ABCC12: variants seen among roughly 807,000 people sequenced by gnomAD.
The protein encoded by ABCC12 is ATP-binding cassette sub-family C member 12.
ABCC12 carries 142 observed loss-of-function variants against 151.1 expected under a neutral mutation model. The observed-to-expected ratio is 0.94, with a 90% CI of 0.82 to 1.08. The LOEUF is 1.08. ABCC12 is among the 50% of genes least tolerant of loss of function. The pLI, the probability that ABCC12 is intolerant of heterozygous loss-of-function variation, is 0.00. For missense variants in ABCC12, 1,638 were observed against 1,691.1 expected (o/e 0.97, Z 0.55); for synonymous variants, 645 against 646.4 (o/e 1.00, Z 0.03).
rs139046030 is a variant in ABCC12, at chr16:48,122,380, C to T, written c.1588-540G>A. Among the ~76,000 whole-genome samples, 1,113 of 152,300 alleles carry T rather than the reference C, an allele frequency of 7.3e-3. 14 individuals are homozygous for T. The highest frequency in any genetic ancestry group is 0.026 in the African/African-American group (1,063 of 41,562). On this transcript the variant is annotated intron_variant, in intron 12 of 30. Coordinates refer to ENST00000311303, the MANE Select transcript of ABCC12 (RefSeq NM_001393797.1). ...GATTTTCTAATTTGTCCAGAGGAGT[C>T]AAAGATCCAGTTTTATATGACATCT... is the stretch of plus-strand genomic sequence containing the variant.
chr16:48,105,403 G>T, intron 20 of ABCC12, 67 bp from the exon 21 acceptor site: 1 of 1,467,664 alleles, frequency 6.8e-7, no homozygotes, highest in Non-Finnish European at 9.2e-7. Context: ...GGAATTTTCC[G>T]GAGAATCTTT....
At chr16:48,098,789 G>C (rs1342292772) in intron 23 of ABCC12, among the ~76,000 whole-genome samples, 3 of 152,180 alleles carry the variant, frequency 2.0e-5, no homozygotes, top group African/African-American at 4.8e-5. Flanking sequence ...CCTTTGGAAA[G>C]AAACTATTAA....
At chr16:48,120,486 C>CA (rs1223308118) in intron 13 of ABCC12, among the ~76,000 whole-genome samples, 1 of 151,928 alleles carries the variant, frequency 6.6e-6, no homozygotes, top group Non-Finnish European at 1.5e-5. Flanking sequence ...TTAGAAAACT[C>CA]AAACATTTCA....
chr16:48,140,596 G>A (rs1055726387), intron 6 of ABCC12, 91 bp downstream of exon 6: 6 of 1,236,968 alleles, frequency 4.9e-6, no homozygotes, highest in Admixed American at 1.9e-5. Flanking sequence ...GCAAAAGGAA[G>A]GCAGGTGCTC....
intron 20 of ABCC12, among the ~76,000 whole-genome samples, chr16:48,107,049 G>A (rs1335431744): frequency 6.6e-6 from 1 of 152,204 alleles, no homozygotes; most frequent in Non-Finnish European, 1.5e-5. Flanking sequence ...AATCTTGTAC[G>A]TGCCTGATTC....
At position 48,081,470 on chromosome 16, in the gene ABCC12, T is replaced by C. The variant is rs1439352253; in HGVS notation, c.*2245A>G. 6.6e-6 allele frequency among the ~76,000 whole-genome samples: 1 copy of C among 152,098 alleles called. No individual in the cohort carries two copies. The highest frequency in any genetic ancestry group is 1.5e-5 in the Non-Finnish European group (1 of 67,998). The stretch of plus-strand genomic sequence containing the variant: ...CAAGGGGAAAGGACTGGAGGGGCTT[T>C]GTTGTGAAGGGGTTGGGAGCAGGGC... On this transcript the variant is annotated 3_prime_UTR_variant, in exon 31 of 31. Coordinates refer to ENST00000311303, the MANE Select transcript of ABCC12 (RefSeq NM_001393797.1).
chr16:48,094,746 C>T (rs1272020116), intron 24 of ABCC12, among the ~76,000 whole-genome samples: 1 of 152,186 alleles, frequency 6.6e-6, no homozygotes, highest in Non-Finnish European at 1.5e-5. Context: ...TTAAGTCTTG[C>T]ATTTGGGTAC....
In ABCC12 at chr16:48,082,635, T is replaced by C. The variant is rs1397194871; in HGVS notation, c.*1080A>G. Among the ~76,000 whole-genome samples, 1 of 152,156 alleles carries C rather than the reference T, an allele frequency of 6.6e-6. No homozygotes were observed. The highest frequency in any genetic ancestry group is 6.5e-5 in the Admixed American group (1 of 15,278). ...ACAAGGGAAGTGGGGTGGGGGGTTG[T>C]GGTCTGGAAGCTTTGCTGACCACAC... On this transcript the variant is annotated 3_prime_UTR_variant, in exon 31 of 31. Transcript: ENST00000311303.
intron 2 of ABCC12, among the ~76,000 whole-genome samples, chr16:48,151,200 G>T (rs1182657773): frequency 6.6e-6 from 1 of 152,196 alleles, no homozygotes; most frequent in Non-Finnish European, 1.5e-5. Flanking sequence ...CCCTTAATAT[G>T]ATGGGGCAAA....
chr16:48,135,145 C>T (rs1596626985), intron 8 of ABCC12, among the ~76,000 whole-genome samples: 1 of 152,034 alleles, frequency 6.6e-6, no homozygotes, highest in East Asian at 1.9e-4. Flanking sequence ...CTTCGCTTTC[C>T]TGAAATTTAG....
chr16:48,155,703 G>GT (rs1456578789), intron 1 of ABCC12, 138 bp downstream of exon 1: 2 of 152,092 alleles, frequency 1.3e-5, no homozygotes, highest in Non-Finnish European at 2.9e-5. Context: ...CCATTCAGTG[G>GT]TGTCACCTCC....
chr16:48,139,156 C>A lies in ABCC12; in HGVS notation c.831+7G>T. ...AAGCAGTTAGAAGCGCAAAAGCCTG[C>A]CGTTACCTGGACGGGTATGAATATG... is the stretch of plus-strand genomic sequence containing the variant. On this transcript the variant is annotated splice_region_variant and intron_variant, in intron 7 of 30. Transcript: ENST00000311303. 1 of 1,579,138 alleles carries A rather than the reference C, an allele frequency of 6.3e-7. No individual in the cohort carries two copies. The highest frequency in any genetic ancestry group is 8.6e-7 in the Non-Finnish European group (1 of 1,165,334).
Position 48,081,814 on chromosome 16 carries a change from T to A in ABCC12, c.*1901A>T, listed in dbSNP as rs1348593458. The stretch of plus-strand genomic sequence containing the variant: ...CAGCAGGGATCATTGTAGTCTATCC[T>A]CTGTCCTCATGAAAACACCACCTCT... On this transcript the variant is annotated 3_prime_UTR_variant, in exon 31 of 31. Transcript: ENST00000311303. Among the ~76,000 whole-genome samples the A allele has an allele frequency of 6.6e-6, 1 of 152,158 alleles. No individual in the cohort carries two copies. The highest frequency in any genetic ancestry group is 1.5e-5 in the Non-Finnish European group (1 of 68,012).
At position 48,130,814 on chromosome 16, in the gene ABCC12, C is replaced by T. The variant is rs1286608336; in HGVS notation, c.1210G>A (p.Ala404Thr). 6.2e-7 allele frequency: 1 copy of T among 1,613,258 alleles called. No homozygotes were observed. Residue 404 changes from alanine to threonine, a missense_variant, in exon 10 of 31, where the codon GCG becomes ACG. Physicochemically the swap from Ala to Thr is moderately conservative, Grantham distance 58. Transcript: ENST00000311303. The part of the protein sequence containing the change: ...LPFSIKAMAE[A>T]NVSLRRMKKI... ...TTCATTCTCCTTAGAGAGACATTCG[C>T]TTCAGCCATTGCTTTGATGGAGAAG... is the stretch of plus-strand genomic sequence containing the variant.
intron 10 of ABCC12, among the ~76,000 whole-genome samples, chr16:48,129,677 C>A (rs891464311): frequency 1.3e-5 from 2 of 151,970 alleles, no homozygotes; most frequent in Non-Finnish European, 2.9e-5. Flanking sequence ...GAGTGCTATA[C>A]GGACTTGAGA....
chr16:48,098,890 T>C (rs1489548225), intron 23 of ABCC12, among the ~76,000 whole-genome samples: 2 of 152,166 alleles, frequency 1.3e-5, no homozygotes, highest in African/African-American at 4.8e-5. Context: ...AAAGTTTGCA[T>C]GTGTGTTTGT....
In ABCC12 at chr16:48,088,044, G is replaced by T; in HGVS notation, c.3517C>A (p.Pro1173Thr). The T allele has an allele frequency of 6.2e-7, 1 of 1,614,168 alleles. No homozygotes were observed. Among genetic ancestry groups the T allele is most frequent in the Non-Finnish European group, 8.5e-7 (1 of 1,180,016 alleles). Residue 1173 changes from proline to threonine, a missense_variant, in exon 27 of 31, where the codon CCA (proline) becomes ACA (threonine). Coordinates refer to ENST00000311303, the MANE Select transcript of ABCC12 (RefSeq NM_001393797.1). ...TCAATAAAGATTGTGCCACTGGCTG[G>T]CTCCACCAGACGAAACAAAGCCATT... ...LGMALFRLVEPASGTIFIDEV... is the reference protein window; with the variant it reads ...LGMALFRLVETASGTIFIDEV...
chr16:48,143,722 T>C (rs1251263592), intron 4 of ABCC12, among the ~76,000 whole-genome samples, 188 bp downstream of exon 4: 4 of 152,208 alleles, frequency 2.6e-5, no homozygotes, highest in Non-Finnish European at 2.9e-5. Flanking sequence ...CACACTGTCT[T>C]GCCTGCCACC....
chr16:48,091,035 C>T, intron 25 of ABCC12, 85 bp downstream of exon 25: 3 of 1,323,468 alleles, frequency 2.3e-6, no homozygotes, highest in Non-Finnish European at 3.3e-6. Context: ...TAAAAAGACC[C>T]CTTTCGCATC....
Sources: gnomAD v4.1 joint callset for allele counts (sites outside exome capture counted in the v4.1 genomes callset) on GRCh38, gnomAD v4.1.1 for gene constraint, MANE v1.5 for transcripts, NCBI Gene and HGNC (gene_info 2026-07-23, HGNC 2026-07-21) for gene names.